Variants in PREP observed in about 807,000 individuals in gnomAD.
The protein encoded by PREP is dJ355L5.1 (prolyl endopeptidase).
A neutral mutation model predicts 87.6 loss-of-function variants in PREP; 29 were observed. That is an observed-to-expected ratio of 0.33 (90% CI 0.25 to 0.45). PREP has a LOEUF of 0.45. Among genes scored for constraint, PREP ranks in the 20% least tolerant of loss-of-function variants. The probability of loss-of-function intolerance (pLI) is 1.00; values close to 1 mark genes in which losing one functional copy is unlikely to be tolerated. For synonymous variants in PREP, 337 were observed against 328.6 expected (o/e 1.03, Z -0.28); for missense variants, 695 against 886.5 (o/e 0.78, Z 2.74).
chr6:105,363,899 C>T (rs994746654), intron 6 of PREP, among the ~76,000 whole-genome samples: 1 of 152,074 alleles, frequency 6.6e-6, no homozygotes, highest in African/African-American at 2.4e-5. Flanking sequence ...CAGGGAACAG[C>T]AAAGTACAGA....
intron 7 of PREP, among the ~76,000 whole-genome samples, chr6:105,335,846 T>C (rs1480092060): frequency 1.3e-5 from 2 of 151,872 alleles, no homozygotes; most frequent in Non-Finnish European, 1.5e-5. Flanking sequence ...TGAGCCAAGA[T>C]TGAGATTGCA....
intron 2 of PREP, among the ~76,000 whole-genome samples, chr6:105,396,680 G>A (rs1294379523): frequency 6.6e-6 from 1 of 151,326 alleles, no homozygotes; most frequent in South Asian, 2.1e-4. Context: ...TACCTAGAGT[G>A]CCATTTAACC....
intron 8 of PREP, among the ~76,000 whole-genome samples, chr6:105,329,297 T>C (rs920226159): frequency 1.5e-4 from 23 of 152,064 alleles, no homozygotes; most frequent in African/African-American, 5.1e-4. Flanking sequence ...GGATTACAGG[T>C]GTGTGCCACC....
intron 9 of PREP, among the ~76,000 whole-genome samples, chr6:105,325,432 T>C (rs113959516): frequency 1.5e-3 from 230 of 152,258 alleles, no homozygotes; most frequent in African/African-American, 5.1e-3. Flanking sequence ...GAGTAGGAAA[T>C]ATACTCTAAA....
At chr6:105,288,731 G>C (rs902390878) in intron 11 of PREP, 27 bp downstream of exon 11, 6 of 1,611,118 alleles carry the variant, frequency 3.7e-6, no homozygotes, top group Non-Finnish European at 5.1e-6. Flanking sequence ...ATAAAATACT[G>C]GCACTCTGAG....
chr6:105,285,950 AT>A (rs1770182146), intron 11 of PREP, among the ~76,000 whole-genome samples: 2 of 151,994 alleles, frequency 1.3e-5, no homozygotes, highest in South Asian at 4.1e-4. Flanking sequence ...TAATTTTTGT[AT>A]TTTTAGTAGA....
At chr6:105,326,872 T>C (rs1268464365) in intron 9 of PREP, among the ~76,000 whole-genome samples, 1 of 152,226 alleles carries the variant, frequency 6.6e-6, no homozygotes, top group Admixed American at 6.5e-5. Context: ...AGAAAATGCC[T>C]GGCAGTACAG....
At chr6:105,379,092 A>G (rs1419347705) in intron 2 of PREP, among the ~76,000 whole-genome samples, 1 of 152,240 alleles carries the variant, frequency 6.6e-6, no homozygotes, top group Non-Finnish European at 1.5e-5. Flanking sequence ...GTTCAAGAAA[A>G]ATAAAACTGT....
Position 105,285,470 on chromosome 6 carries a change from A to G in PREP, c.1549+16T>C, listed in dbSNP as rs759244916. 5.4e-5 allele frequency: 87 copies of G among 1,598,010 alleles called. No individual in the cohort carries two copies. The highest frequency in any genetic ancestry group is 7.2e-5 in the Non-Finnish European group (84 of 1,165,488). On this transcript the variant is annotated intron_variant, in intron 12 of 14. Transcript: ENST00000652536. ...GATTATGTCAGACTTGTGTTTCTGT[A>G]GAGAAAACACCTCACCTTTATGCCA... is the stretch of plus-strand genomic sequence containing the variant.
rs755913348 is a variant in PREP, at chr6:105,288,946, G to A, written c.1318-52C>T. ...GATTTAGCATTACTTAGTAGATACT[G>A]CGTGCTTTTAAATGGGAAAAATAGT... On this transcript the variant is annotated intron_variant, in intron 10 of 14. Transcript: ENST00000652536. 4 of 1,552,086 alleles carry A rather than the reference G, an allele frequency of 2.6e-6. No homozygotes were observed. The African/African-American group carries it at 4.1e-5, about 16-fold the overall frequency.
chr6:105,330,198 A>G lies in PREP; in HGVS notation c.1016-1172T>C, dbSNP rs114588692. Among the ~76,000 whole-genome samples the G allele has an allele frequency of 9.8e-3, 1,500 of 152,336 alleles. 26 individuals are homozygous for G. Among genetic ancestry groups the G allele is most frequent in the African/African-American group, 0.034 (1,431 of 41,558 alleles). ...GTGACTGTGGAGCCACTGTCTGAAC[A>G]CAAGGGCAACATAAAGATGGCATTA... is the stretch of plus-strand genomic sequence containing the variant. On this transcript the variant is annotated intron_variant, in intron 8 of 14. Coordinates refer to ENST00000652536, the MANE Select transcript of PREP (RefSeq NM_002726.5).
chr6:105,391,624 G>C (rs1309633734), intron 2 of PREP, among the ~76,000 whole-genome samples: 1 of 152,206 alleles, frequency 6.6e-6, no homozygotes, highest in Non-Finnish European at 1.5e-5. Flanking sequence ...ACAAAGAAAA[G>C]GGTAGTTTCA....
intron 10 of PREP, among the ~76,000 whole-genome samples, chr6:105,299,664 T>A (rs1280188873): frequency 6.6e-6 from 1 of 152,208 alleles, no homozygotes; most frequent in Non-Finnish European, 1.5e-5. Context: ...GTCTCCCAAG[T>A]CCCTGTTTCA....
At chr6:105,312,096 C>G (rs1349241400) in intron 10 of PREP, among the ~76,000 whole-genome samples, 1 of 152,190 alleles carries the variant, frequency 6.6e-6, no homozygotes, top group African/African-American at 2.4e-5. Flanking sequence ...AAACTTGAGG[C>G]TCCAGATGTA....
At chr6:105,397,742 C>T (rs1773322282) in intron 2 of PREP, 111 bp downstream of exon 2, 1 of 842,902 alleles carries the variant, frequency 1.2e-6, no homozygotes, top group Non-Finnish European at 2.0e-6. Context: ...CTCACCATCC[C>T]ATGGCAGAAA....
chr6:105,375,073 A>C (rs540947658), intron 4 of PREP, among the ~76,000 whole-genome samples: 1 of 152,274 alleles, frequency 6.6e-6, no homozygotes, highest in South Asian at 2.1e-4. Flanking sequence ...GCTCAGATTC[A>C]TGGAAGAATC....
chr6:105,278,555 C>G lies in PREP; in HGVS notation c.1839-117G>C. On this transcript the variant is annotated intron_variant, in intron 14 of 14. Transcript: ENST00000652536. This position sits in a 1 kb window ranked among gnomAD's most constrained non-coding sequence, Gnocchi z 4.2. ...CAGTTAACTAGTACGTGAGTGACCA[C>G]CATGGACTGTGCCTATGCGTTACCA... The G allele has an allele frequency of 9.4e-7, 1 of 1,062,946 alleles. No individual in the cohort carries two copies. The highest frequency in any genetic ancestry group is 1.6e-5 in the African/African-American group (1 of 63,448). The allele number at this position is 1,062,946 out of a possible 1,614,324, so 65.8% of individuals were successfully genotyped here.
chr6:105,292,618 GC>G (rs777068360), intron 10 of PREP, among the ~76,000 whole-genome samples: 6 of 152,158 alleles, frequency 3.9e-5, no homozygotes, highest in Non-Finnish European at 8.8e-5. Context: ...CACTGGCTTA[GC>G]CCCTAAGAAG....
intron 10 of PREP, chr6:105,323,082 G>C (rs777466792): frequency 3.1e-6 from 4 of 1,304,114 alleles, no homozygotes; most frequent in South Asian, 1.2e-5. Flanking sequence ...CAGTGATTCA[G>C]TTTCTGGAAG....
Sources: gnomAD v4.1 joint callset for allele counts (sites outside exome capture counted in the v4.1 genomes callset) on GRCh38, gnomAD v4.1.1 for gene constraint, Gnocchi (gnomAD v3.1) non-coding constraint, MANE v1.5 for transcripts, NCBI Gene and HGNC (gene_info 2026-07-23, HGNC 2026-07-21) for gene names.